ERC2: variants seen among roughly 807,000 people sequenced by gnomAD.
ERC2 encodes the protein ERC protein 2.
A neutral mutation model predicts 114.8 loss-of-function variants in ERC2; 42 were observed. The ratio of observed to expected loss-of-function variants is 0.37; its 90% CI spans 0.29 to 0.47. The LOEUF (loss-of-function observed/expected upper bound fraction) is 0.47. Ranked by LOEUF, ERC2 falls within the 20% of genes least tolerant of loss-of-function variation. The pLI, the probability that ERC2 is intolerant of heterozygous loss-of-function variation, is 0.99. For missense variants in ERC2, 939 were observed against 1,150.7 expected, an observed-to-expected ratio of 0.82 and a Z score of 2.66; for synonymous variants, 454 against 425.5, an observed-to-expected ratio of 1.07 and a Z score of -0.82.
At position 56,022,997 on chromosome 3, in the gene ERC2, C is replaced by T. The variant is rs577783221; in HGVS notation, c.1642-3966G>A. Among the ~76,000 whole-genome samples the T allele has an allele frequency of 3.9e-5, 6 of 152,256 alleles. No individual in the cohort carries two copies. In the South Asian group the frequency reaches 6.2e-4, roughly 16 times the overall value. On this transcript the variant is annotated intron_variant, in intron 7 of 17. Transcript: ENST00000288221. ...AGACCCTGGAGGTCACTTGACAACC[C>T]TAATCCTAATGGCTTTAGCTGACTT...
At chr3:55,660,496 T>C (rs772708889) in intron 17 of ERC2, among the ~76,000 whole-genome samples, 1 of 152,174 alleles carries the variant, frequency 6.6e-6, no homozygotes, top group Admixed American at 6.5e-5. Context: ...GGGAGTCTCC[T>C]ATTTCCTTGA....
chr3:56,433,559 T>C (rs1333256310), intron 2 of ERC2, among the ~76,000 whole-genome samples: 1 of 152,246 alleles, frequency 6.6e-6, no homozygotes, highest in Admixed American at 6.5e-5. Context: ...CTGGAAATGT[T>C]GGCCCAGGCC....
intron 3 of ERC2, among the ~76,000 whole-genome samples, chr3:56,201,141 C>T (rs1445800048): frequency 1.3e-5 from 2 of 152,100 alleles, no homozygotes; most frequent in African/African-American, 4.8e-5. Flanking sequence ...CTTCTCTCCC[C>T]ATCCTATCTT....
chr3:56,123,171 C>T lies in ERC2; in HGVS notation c.1473+16338G>A, dbSNP rs139132828. On this transcript the variant is annotated intron_variant, in intron 6 of 17. Coordinates refer to ENST00000288221, the MANE Select transcript of ERC2 (RefSeq NM_015576.3). ...ATCTGCTATAGTCTGAATGCTTATG[C>T]CACCCACCCCCAAAATTCATATGTT... Among the ~76,000 whole-genome samples the T allele has an allele frequency of 2.5e-3, 386 of 152,228 alleles. 2 individuals carry two copies. Among genetic ancestry groups the T allele is most frequent in the African/African-American group, 8.8e-3 (366 of 41,534 alleles).
At chr3:56,040,144 G>T (rs576757043) in intron 7 of ERC2, among the ~76,000 whole-genome samples, 1 of 152,028 alleles carries the variant, frequency 6.6e-6, no homozygotes, top group Non-Finnish European at 1.5e-5. Context: ...AGGCAAATGG[G>T]ATTGCATCAA....
chr3:55,900,470 A>G (rs551243238), intron 13 of ERC2, among the ~76,000 whole-genome samples: 11 of 152,302 alleles, frequency 7.2e-5, no homozygotes, highest in Non-Finnish European at 1.5e-4. Context: ...CTTTCTTATA[A>G]TGCAAGGATC....
chr3:56,405,887 C>CTTT lies in ERC2; in HGVS notation c.657+28461_657+28463dup, dbSNP rs72095902. The stretch of plus-strand genomic sequence containing the variant: ...GGTCAAAGGATATGAACTTTTTTTT[C>CTTT]TTTTTTTTTTTTTTTTTTTTTTTGA... On this transcript the variant is annotated intron_variant, in intron 2 of 17. Transcript: ENST00000288221. Among the ~76,000 whole-genome samples, 280 of 85,132 alleles carry CTTT rather than the reference C, an allele frequency of 3.3e-3. 3 individuals are homozygous for CTTT. Among genetic ancestry groups the CTTT allele is most frequent in the Non-Finnish European group, 3.8e-3 (173 of 45,644 alleles). The allele number at this position is 85,132 out of a possible 152,430, so 55.8% of individuals were successfully genotyped here.
At chr3:56,296,524 G>A (rs1307458515) in intron 2 of ERC2, 89 bp from the exon 3 acceptor site, 2 of 1,361,000 alleles carry the variant, frequency 1.5e-6, no homozygotes, top group Non-Finnish European at 2.0e-6. Flanking sequence ...ACCACACTAT[G>A]AAGATGGAAT....
rs2067823306 is a variant in ERC2 at position 55,954,734 on chromosome 3, A to C, written c.2268-4174T>G. On this transcript the variant is annotated intron_variant, in intron 12 of 17. Transcript: ENST00000288221. ...TTGGTCAGGAGGAGTATAATTAACG[A>C]AAGTATTTTTGGAAATCAATTTGGC... Among the ~76,000 whole-genome samples, 3 of 152,168 alleles carry C rather than the reference A, an allele frequency of 2.0e-5. No individual in the cohort carries two copies. In the South Asian group the frequency reaches 6.2e-4, roughly 32 times the overall value.
chr3:55,791,858 GA>G (rs112572048), intron 14 of ERC2, among the ~76,000 whole-genome samples: 130 of 152,150 alleles, frequency 8.5e-4, no homozygotes, highest in African/African-American at 3.0e-3. Context: ...TTCTAGTGGG[GA>G]AAAAACATGG....
chr3:55,969,226 A>C (rs2068974154), intron 12 of ERC2, among the ~76,000 whole-genome samples: 1 of 152,004 alleles, frequency 6.6e-6, no homozygotes, highest in African/African-American at 2.4e-5. Flanking sequence ...GACTTAATTC[A>C]TTTTTCCTTT....
At chr3:55,538,614 A>G (rs1261157743) in intron 17 of ERC2, among the ~76,000 whole-genome samples, 1 of 152,218 alleles carries the variant, frequency 6.6e-6, no homozygotes, top group Non-Finnish European at 1.5e-5. Flanking sequence ...CACCATGGAA[A>G]AGGGCATTTT....
intron 3 of ERC2, among the ~76,000 whole-genome samples, chr3:56,294,783 C>T (rs930424058): frequency 1.1e-4 from 16 of 152,214 alleles, no homozygotes; most frequent in African/African-American, 3.6e-4. Flanking sequence ...TCTTGGAAGT[C>T]TTCTCACCAC....
chr3:55,677,128 G>A (rs1351767562), intron 17 of ERC2, among the ~76,000 whole-genome samples: 4 of 152,138 alleles, frequency 2.6e-5, no homozygotes, highest in Non-Finnish European at 5.9e-5. Context: ...CAATTCATTA[G>A]CTCGCAATTA....
At chr3:56,032,090 A>T (rs2074410150) in intron 7 of ERC2, among the ~76,000 whole-genome samples, 2 of 152,130 alleles carry the variant, frequency 1.3e-5, no homozygotes, top group Non-Finnish European at 2.9e-5. Flanking sequence ...CTTTTTTGCC[A>T]TGTGATCTCT....
chr3:56,367,835 G>A (rs13089019), intron 2 of ERC2, among the ~76,000 whole-genome samples: 35,072 of 151,162 alleles, frequency 0.23, 4,639 homozygotes, highest in Non-Finnish European at 0.29. Context: ...AAAATCAAGA[G>A]CTGAGATGGG....
At chr3:56,134,432 G>GA (rs1429288353) in intron 6 of ERC2, among the ~76,000 whole-genome samples, 2 of 152,114 alleles carry the variant, frequency 1.3e-5, no homozygotes, top group African/African-American at 2.4e-5. Context: ...TGTGTTAAAT[G>GA]AAAAAATGCA....
chr3:55,727,785 G>T, intron 15 of ERC2, among the ~76,000 whole-genome samples: 1 of 152,130 alleles, frequency 6.6e-6, no homozygotes, highest in Non-Finnish European at 1.5e-5. Context: ...CTCAAAAAGA[G>T]CCCAAGAAAT....
chr3:56,378,044 C>T (rs2059611470), intron 2 of ERC2, among the ~76,000 whole-genome samples: 1 of 152,050 alleles, frequency 6.6e-6, no homozygotes, highest in African/African-American at 2.4e-5. Flanking sequence ...GAGCAGATCG[C>T]CCGCCCAGAA....
Sources: gnomAD v4.1 joint callset for allele counts (sites outside exome capture counted in the v4.1 genomes callset) on GRCh38, gnomAD v4.1.1 for gene constraint, MANE v1.5 for transcripts, NCBI Gene and HGNC (gene_info 2026-07-23, HGNC 2026-07-21) for gene names.